Variants in MCF2L observed in about 807,000 individuals in gnomAD.
The protein encoded by MCF2L is MCF.2 cell line derived transforming sequence like.
A neutral mutation model predicts 153.4 loss-of-function variants in MCF2L; 97 were observed. That is an observed-to-expected ratio of 0.63 (90% CI 0.54 to 0.75). The LOEUF is 0.75. Ranked by LOEUF, MCF2L falls within the 30% of genes least tolerant of loss-of-function variation. The probability of loss-of-function intolerance (pLI) is 0.00; values close to 1 mark genes in which losing one functional copy is unlikely to be tolerated. For synonymous variants in MCF2L, 659 were observed against 632.2 expected (o/e 1.04, Z -0.64); for missense variants, 1,347 against 1,495.2 (o/e 0.90, Z 1.64).
Position 113,086,229 on chromosome 13 carries a change from A to T in MCF2L, c.2353A>T (p.Ile785Phe). Residue 785 changes from isoleucine (I) to phenylalanine (F), a missense_variant, in exon 21 of 30, where the codon ATC becomes TTC. Transcript: ENST00000535094. The stretch of plus-strand genomic sequence containing the variant: ...GGCCGTGAACGACTCCATGCACCTC[A>T]TCGCTATCACCGGCTATGACGTAAG... Reference protein sequence around the residue: ...LKAVNDSMHLIAITGYDGNLG... With the variant: ...LKAVNDSMHLFAITGYDGNLG... 1.2e-6 allele frequency: 2 copies of T among 1,609,764 alleles called. No individual in the cohort carries two copies. Among genetic ancestry groups the T allele is most frequent in the Non-Finnish European group, 1.7e-6 (2 of 1,178,074 alleles).
chr13:113,070,237 C>A lies in MCF2L; in HGVS notation c.996+64C>A. The A allele has an allele frequency of 8.5e-7, 1 of 1,173,494 alleles. No homozygotes were observed. The highest frequency in any genetic ancestry group is 1.2e-6 in the Non-Finnish European group (1 of 850,122). The allele number at this position is 1,173,494 out of a possible 1,614,324, so 72.7% of individuals were successfully genotyped here. A position where few individuals can be genotyped will look rare whatever the true frequency, so the allele number is the denominator to read the frequency against. On this transcript the variant is annotated intron_variant, in intron 9 of 29. Transcript: ENST00000535094. The surrounding 1 kb of genome is among the most constrained non-coding windows in gnomAD (Gnocchi z 5.6). ...CTCACGGGGCCTCCTGTGCCTGCGCCCTGGTCCCAGTGCCGGGAGCTGAGC... is the reference window on the plus strand; with the variant it reads ...CTCACGGGGCCTCCTGTGCCTGCGCACTGGTCCCAGTGCCGGGAGCTGAGC...
At chr13:113,089,160 C>T (rs2034933621) in intron 25 of MCF2L, among the ~76,000 whole-genome samples, 1 of 141,684 alleles carries the variant, frequency 7.1e-6, no homozygotes. Flanking sequence ...AAAAAAGAAA[C>T]ACTCCCCCGC....
rs1337038484 is a variant in MCF2L at position 112,960,457 on chromosome 13, T to C, written c.170-54306T>C. 6.6e-6 allele frequency among the ~76,000 whole-genome samples: 1 copy of C among 152,160 alleles called. No individual in the cohort carries two copies. On this transcript the variant is annotated intron_variant, in intron 2 of 29. Transcript: ENST00000375608. This position sits in a 1 kb window ranked among gnomAD's most constrained non-coding sequence, Gnocchi z 4.2. ...CACATTAAACCCCAGCAGACTGCCT[T>C]GTCCCCTGCTCATTTTGGTTGTTGC...
rs764442744 is a variant in MCF2L at position 113,075,979 on chromosome 13, G to A, written c.1322G>A (p.Cys441Tyr). 13 of 1,608,340 alleles carry A rather than the reference G, an allele frequency of 8.1e-6. No homozygotes were observed. The highest frequency in any genetic ancestry group is 1.1e-5 in the Non-Finnish European group (13 of 1,177,496). The change falls in exon 12 of 30, where the codon TGT becomes TAT. Residue 441 changes from cysteine (C) to tyrosine (Y), a missense_variant. Physicochemically the swap from Cys to Tyr is radical, Grantham distance 194. Around this residue, in one of 3 missense-constraint regions of MCF2L, gnomAD observed 820 missense variants for 921.2 expected, o/e 0.89. Coordinates refer to ENST00000535094, the MANE Select transcript of MCF2L (RefSeq NM_001112732.3). ...HRRLETSMKW[C>Y]DEGIYLLASQ... is the part of the protein sequence containing the mutation. The stretch of plus-strand genomic sequence containing the variant: ...CTGTGTTTCCAGTCCATGAAGTGGT[G>A]TGATGAAGGGATTTACCTGCTGGCC...
At chr13:113,057,747 G>A (rs1266042239) in intron 4 of MCF2L, among the ~76,000 whole-genome samples, 3 of 142,720 alleles carry the variant, frequency 2.1e-5, no homozygotes, top group Admixed American at 7.0e-5. Flanking sequence ...TGGGTGCTGA[G>A]TGGGCACTGA....
chr13:112,912,933 ATGAT>A lies in MCF2L; in HGVS notation c.169+10565_169+10568del, dbSNP rs543341483. Among the ~76,000 whole-genome samples, 524 of 101,340 alleles carry A rather than the reference ATGAT, an allele frequency of 5.2e-3. 2 individuals carry two copies. Among genetic ancestry groups the A allele is most frequent in the Non-Finnish European group, 7.2e-3 (362 of 50,278 alleles). The allele number at this position is 101,340 out of a possible 152,430, so 66.5% of individuals were successfully genotyped here. On this transcript the variant is annotated intron_variant, in intron 2 of 29. Transcript: ENST00000375608. ...CTGTGTATGTATGGGGTGTGTCTGT[ATGAT>A]TGTGTGTGTCTGTGGTGTATCTGTG...
intron 12 of MCF2L, 147 bp downstream of exon 12, chr13:113,076,304 G>A (rs546879178): frequency 3.1e-5 from 18 of 588,642 alleles, no homozygotes; most frequent in East Asian, 1.4e-4. Context: ...CGCTCTTGTC[G>A]CCCAGGCTGG....
At chr13:112,976,819 G>T (rs1261827945) in intron 1 of MCF2L, among the ~76,000 whole-genome samples, 1 of 152,234 alleles carries the variant, frequency 6.6e-6, no homozygotes, top group Non-Finnish European at 1.5e-5. Context: ...CTCCTGGGCA[G>T]CGGGAAACCT....
Position 113,097,185 on chromosome 13 carries a change from C to G in MCF2L, c.*326C>G. On this transcript the variant is annotated 3_prime_UTR_variant, in exon 30 of 30. Transcript: ENST00000535094. ...CGGTGCTTTCAGGGGACGCGCGGAC[C>G]GTGGTGGAGCTGCTTCCGGAGAAGT... The G allele has an allele frequency of 7.9e-6, 2 of 252,158 alleles. No homozygotes were observed. Among genetic ancestry groups the G allele is most frequent in the Non-Finnish European group, 1.5e-5 (2 of 132,448 alleles). 15.6% of individuals were successfully genotyped at this position (252,158 alleles called of 1,614,324 possible). A position where few individuals can be genotyped will look rare whatever the true frequency, so the allele number is the denominator to read the frequency against.
chr13:113,035,512 C>G lies in MCF2L; in HGVS notation c.279-9759C>G, dbSNP rs1183056559. 6.6e-6 allele frequency among the ~76,000 whole-genome samples: 1 copy of G among 152,180 alleles called. No homozygotes were observed. Among genetic ancestry groups the G allele is most frequent in the African/African-American group, 2.4e-5 (1 of 41,446 alleles). The stretch of plus-strand genomic sequence containing the variant: ...CGATGTGCAGCTCTGGGTGTCTGAT[C>G]CCTCAGGGGTCCTGTCTCCCCTCCT... On this transcript the variant is annotated intron_variant, in intron 3 of 29. Coordinates refer to ENST00000535094, the MANE Select transcript of MCF2L (RefSeq NM_001112732.3). This position sits in a 1 kb window ranked among gnomAD's most constrained non-coding sequence, Gnocchi z 4.4.
Position 113,093,082 on chromosome 13 carries a change from G to A in MCF2L, c.2954-1432G>A, listed in dbSNP as rs537833968. Among the ~76,000 whole-genome samples, 103 of 152,326 alleles carry A rather than the reference G, an allele frequency of 6.8e-4. 2 individuals carry two copies. The highest frequency in any genetic ancestry group is 3.4e-3 in the Middle Eastern group (1 of 294). ...GGTTCTGTCTGGCCAGAGGCCCCACGTGCGGTGCCTCAGAGCGACTGGGGG... is the reference window on the plus strand; with the variant it reads ...GGTTCTGTCTGGCCAGAGGCCCCACATGCGGTGCCTCAGAGCGACTGGGGG... On this transcript the variant is annotated intron_variant, in intron 26 of 29. Coordinates refer to ENST00000535094, the MANE Select transcript of MCF2L (RefSeq NM_001112732.3).
rs772999596 is a variant in MCF2L, at chr13:113,064,929, C to T, written c.607-7C>T. ...AGGCATGCAATTGTGTTTTCTCTGT[C>T]CCCAAGGCCATCGAAAGTTTCGCCC... On this transcript the variant is annotated splice_region_variant and splice_polypyrimidine_tract_variant and intron_variant, in intron 6 of 29. Coordinates refer to ENST00000535094, the MANE Select transcript of MCF2L (RefSeq NM_001112732.3). This position sits in a 1 kb window ranked among gnomAD's most constrained non-coding sequence, Gnocchi z 6.0. 1.2e-6 allele frequency: 2 copies of T among 1,610,978 alleles called. No individual in the cohort carries two copies. The highest frequency in any genetic ancestry group is 1.7e-6 in the Non-Finnish European group (2 of 1,178,854).
chr13:112,980,776 C>A (rs1231650617), intron 1 of MCF2L, among the ~76,000 whole-genome samples: 3 of 143,454 alleles, frequency 2.1e-5, no homozygotes, highest in Non-Finnish European at 4.7e-5. Flanking sequence ...AATAACAGAT[C>A]CCAGCCTCCC....
intron 2 of MCF2L, among the ~76,000 whole-genome samples, chr13:112,963,572 A>G (rs745728396): frequency 6.6e-6 from 1 of 152,186 alleles, no homozygotes; most frequent in Non-Finnish European, 1.5e-5. Context: ...CCAGTCCTGC[A>G]TGTTGCTGCT....
chr13:112,982,150 C>A (rs1374996625), intron 1 of MCF2L, among the ~76,000 whole-genome samples: 1 of 152,146 alleles, frequency 6.6e-6, no homozygotes, highest in African/African-American at 2.4e-5. Context: ...AGCTCAGGAG[C>A]TTTGGAAAGA....
intron 26 of MCF2L, chr13:113,091,247 G>A (rs942801900): frequency 7.2e-5 from 94 of 1,297,342 alleles, no homozygotes; most frequent in Non-Finnish European, 7.8e-5. Flanking sequence ...CAGGAAGCGC[G>A]GCCCAGCTGG....
At chr13:112,954,034 C>G (rs900606798) in intron 2 of MCF2L, among the ~76,000 whole-genome samples, 4 of 152,218 alleles carry the variant, frequency 2.6e-5, no homozygotes, top group African/African-American at 9.6e-5. Context: ...CCACTGCCCT[C>G]AGAATGTCAT....
intron 1 of MCF2L, 97 bp from the exon 2 acceptor site, chr13:113,014,666 C>A: frequency 3.1e-6 from 3 of 954,954 alleles, no homozygotes; most frequent in Non-Finnish European, 3.3e-6. Flanking sequence ...CCCGTAGGTG[C>A]CTGTGGATGT....
At chr13:113,037,768 C>A (rs2086241135) in intron 3 of MCF2L, among the ~76,000 whole-genome samples, 1 of 152,210 alleles carries the variant, frequency 6.6e-6, no homozygotes, top group East Asian at 1.9e-4. Context: ...CGCTTTGCCG[C>A]TGAGGTCAGG....
Sources: allele counts gnomAD v4.1 joint callset (sites outside exome capture counted in the v4.1 genomes callset), GRCh38; gene constraint gnomAD v4.1.1; regional missense constraint gnomAD v4.1.1; non-coding constraint Gnocchi (gnomAD v3.1); transcripts MANE v1.5; gene names NCBI Gene and HGNC (gene_info 2026-07-23, HGNC 2026-07-21).